QKI: variants seen among roughly 807,000 people sequenced by gnomAD.
QKI encodes KH domain-containing RNA-binding protein QKI.
Under a neutral mutation model 39.0 loss-of-function variants are expected in QKI, and 10 were observed. The ratio of observed to expected loss-of-function variants is 0.26; its 90% CI spans 0.16 to 0.43. QKI has a LOEUF of 0.43. QKI is among the 20% of genes least tolerant of loss of function. QKI has a pLI of 1.00. For synonymous variants in QKI, 204 were observed against 155.4 expected (o/e 1.31, Z -2.33); for missense variants, 218 against 428.0 (o/e 0.51, Z 4.33).
intron 4 of QKI, among the ~76,000 whole-genome samples, chr6:163,558,404 CTTTTTTT>C (rs964172716): frequency 1.5e-5 from 2 of 135,612 alleles, no homozygotes; most frequent in Non-Finnish European, 3.2e-5. Flanking sequence ...TTTTCTTTTT[CTTTTTTT>C]TTTTTTTTGA....
intron 2 of QKI, among the ~76,000 whole-genome samples, chr6:163,459,999 A>T (rs930301007): frequency 6.6e-6 from 1 of 152,252 alleles, no homozygotes; most frequent in Non-Finnish European, 1.5e-5. Context: ...TGAATGAGTC[A>T]GTAATAATTT....
At chr6:163,554,943 C>T (rs1237860406) in intron 4 of QKI, among the ~76,000 whole-genome samples, 11 of 152,176 alleles carry the variant, frequency 7.2e-5, no homozygotes, top group Admixed American at 6.5e-4. Context: ...TGTCACTTCC[C>T]TCTCATAAAC....
intron 3 of QKI, among the ~76,000 whole-genome samples, chr6:163,490,601 T>G (rs572945501): frequency 6.6e-6 from 1 of 152,072 alleles, no homozygotes; most frequent in African/African-American, 2.4e-5. Flanking sequence ...GTGGAAGGTA[T>G]GGGGCACAGT....
intron 4 of QKI, among the ~76,000 whole-genome samples, chr6:163,542,846 C>T (rs1304495428): frequency 6.6e-6 from 1 of 151,870 alleles, no homozygotes; most frequent in Non-Finnish European, 1.5e-5. Context: ...GACAAATTTC[C>T]ACCTGCGGGT....
intron 3 of QKI, among the ~76,000 whole-genome samples, chr6:163,520,434 G>T (rs575568736): frequency 1.3e-5 from 2 of 151,982 alleles, no homozygotes; most frequent in African/African-American, 4.8e-5. Context: ...TTTTAAAATA[G>T]TGTTTGGGGA....
chr6:163,555,079 T>C (rs186103654), intron 4 of QKI, among the ~76,000 whole-genome samples: 3 of 152,350 alleles, frequency 2.0e-5, no homozygotes, highest in East Asian at 3.9e-4. Flanking sequence ...TTTTCTTTTC[T>C]CTGATATTTG....
At chr6:163,457,457 C>T in intron 2 of QKI, 1 of 455,932 alleles carries the variant, frequency 2.2e-6, no homozygotes, top group Non-Finnish European at 4.4e-6. Context: ...ATCGGTGATT[C>T]TCAAAACACA....
chr6:163,415,526 C>T (rs1562406974), intron 1 of QKI, among the ~76,000 whole-genome samples, 191 bp downstream of exon 1: 2 of 151,076 alleles, frequency 1.3e-5, no homozygotes. Flanking sequence ...CCGGGGTGGA[C>T]CCGCCGGTGC....
chr6:163,455,498 A>G, intron 2 of QKI, 77 bp downstream of exon 2: 1 of 1,395,772 alleles, frequency 7.2e-7, no homozygotes. Context: ...GGTGGTAAAT[A>G]CTTAAGCATT....
intron 2 of QKI, among the ~76,000 whole-genome samples, chr6:163,456,403 G>T (rs983900349): frequency 2.0e-5 from 3 of 152,200 alleles, no homozygotes; most frequent in Non-Finnish European, 4.4e-5. Flanking sequence ...CACATAATAG[G>T]TAACAATACT....
chr6:163,421,995 G>A (rs1389245752), intron 1 of QKI, among the ~76,000 whole-genome samples: 1 of 151,506 alleles, frequency 6.6e-6, no homozygotes, highest in Non-Finnish European at 1.5e-5. Context: ...TGACCGCCTC[G>A]GCTCTTGACC....
Position 163,576,745 on chromosome 6 carries a change from C to T in QKI, c.*6035C>T, listed in dbSNP as rs1465351454. Reference sequence around the variant, plus strand: ...GCTTATCCTCCACCCCCAGAAAATGCATGTATCAATATGAGAATAAAGAAC... The same window carrying T: ...GCTTATCCTCCACCCCCAGAAAATGTATGTATCAATATGAGAATAAAGAAC... On this transcript the variant is annotated 3_prime_UTR_variant, in exon 8 of 8. Transcript: ENST00000361752. 17 of 152,120 alleles carry T rather than the reference C, an allele frequency of 1.1e-4. 1 individual carries two copies. The highest frequency in any genetic ancestry group is 1.1e-3 in the Admixed American group (17 of 15,258). 9.4% of individuals were successfully genotyped at this position (152,120 alleles called of 1,614,324 possible).
Position 163,563,698 on chromosome 6 carries a change from A to G in QKI, c.913A>G (p.Ile305Val), listed in dbSNP as rs752418524. The change falls in exon 6 of 8, where the codon ATT becomes GTT. Residue 305 changes from isoleucine (I) to valine (V), a missense_variant. Ile to Val is a conservative substitution (Grantham distance 29). Around this residue, in one of 3 missense-constraint regions of QKI, gnomAD observed 117 missense variants for 186.0 expected, o/e 0.63. Transcript: ENST00000361752. The stretch of plus-strand genomic sequence containing the variant: ...AGCTACATCAATCCTTGAGTATCCT[A>G]TTGAACCTAGTGGTGTATTAGGTAA... ...APATSILEYP[I>V]EPSGVLGAVA... is the part of the protein sequence containing the mutation. The G allele has an allele frequency of 2.0e-5, 32 of 1,613,898 alleles. No homozygotes were observed. Among genetic ancestry groups the G allele is most frequent in the Admixed American group, 1.7e-4 (10 of 60,010 alleles).
chr6:163,534,680 A>G (rs913794696), intron 3 of QKI, among the ~76,000 whole-genome samples: 3 of 152,212 alleles, frequency 2.0e-5, no homozygotes, highest in Non-Finnish European at 2.9e-5. Context: ...TACTACATAC[A>G]TGATGATGAT....
chr6:163,559,195 G>A (rs1221865200), intron 4 of QKI, among the ~76,000 whole-genome samples: 2 of 151,606 alleles, frequency 1.3e-5, no homozygotes, highest in South Asian at 2.1e-4. Context: ...CAGGAAACTC[G>A]TCTTTCGTCT....
At chr6:163,490,617 G>C (rs1777991391) in intron 3 of QKI, among the ~76,000 whole-genome samples, 1 of 152,086 alleles carries the variant, frequency 6.6e-6, no homozygotes, top group Non-Finnish European at 1.5e-5. Flanking sequence ...ACAGTGGAGT[G>C]TTGGTATTGG....
intron 1 of QKI, among the ~76,000 whole-genome samples, chr6:163,443,388 G>A (rs1183785530): frequency 6.6e-6 from 1 of 152,236 alleles, no homozygotes; most frequent in Middle Eastern, 3.2e-3. Flanking sequence ...GGCCAAGATG[G>A]TGAAATGCTG....
intron 1 of QKI, among the ~76,000 whole-genome samples, chr6:163,427,243 CTT>C (rs11375326): frequency 2.0e-4 from 17 of 85,788 alleles, no homozygotes; most frequent in South Asian, 4.6e-4. Flanking sequence ...ATACTCGTAC[CTT>C]TTTTTTTTTT....
intron 2 of QKI, among the ~76,000 whole-genome samples, chr6:163,470,158 T>C (rs1030333173): frequency 5.9e-5 from 9 of 152,166 alleles, no homozygotes; most frequent in African/African-American, 2.2e-4. Context: ...CTTTTTCTGC[T>C]GAGCACGTTT....
Sources: gnomAD v4.1 joint callset for allele counts (sites outside exome capture counted in the v4.1 genomes callset) on GRCh38, gnomAD v4.1.1 for gene constraint, gnomAD v4.1.1 regional missense constraint, MANE v1.5 for transcripts, NCBI Gene and HGNC (gene_info 2026-07-23, HGNC 2026-07-21) for gene names.